The following PCDHA12 variants were observed in gnomAD, a reference collection of about 807,000 sequenced individuals.
The protein encoded by PCDHA12 is protocadherin alpha 12.
Under a neutral mutation model 60.0 loss-of-function variants are expected in PCDHA12, and 44 were observed. The observed-to-expected ratio is 0.73, with a 90% CI of 0.58 to 0.94. PCDHA12 has a LOEUF of 0.94. PCDHA12 is among the 40% of genes least tolerant of loss of function. PCDHA12 has a pLI of 0.00. For synonymous variants in PCDHA12, 569 were observed against 553.0 expected, an observed-to-expected ratio of 1.03 and a Z score of -0.40; for missense variants, 1,276 against 1,239.7, an observed-to-expected ratio of 1.03 and a Z score of -0.44.
At chr5:140,989,317 C>G (rs184467267) in intron 3 of PCDHA12, among the ~76,000 whole-genome samples, 2 of 152,126 alleles carry the variant, frequency 1.3e-5, no homozygotes, top group Non-Finnish European at 2.9e-5. Context: ...TAGGGTCTCA[C>G]CAACTTTGCC....
chr5:140,884,554 G>A (rs1554181727), intron 1 of PCDHA12: 10 of 1,614,160 alleles, frequency 6.2e-6, no homozygotes, highest in Non-Finnish European at 6.8e-6. Context: ...GCTCTGGGGA[G>A]GGCCCGCATA....
chr5:140,879,783 G>A (rs182330190), intron 1 of PCDHA12, among the ~76,000 whole-genome samples: 1 of 152,162 alleles, frequency 6.6e-6, no homozygotes, highest in African/African-American at 2.4e-5. Flanking sequence ...GAAGAATCTG[G>A]TTTTTGTTTC....
intron 3 of PCDHA12, among the ~76,000 whole-genome samples, chr5:141,004,566 T>C (rs2098171206): frequency 6.6e-6 from 1 of 152,186 alleles, no homozygotes; most frequent in Non-Finnish European, 1.5e-5. Context: ...GATGAACATA[T>C]CTCTGTGTTC....
chr5:141,007,395 CAAAAAAAAAAAAAAAA>C (rs35800918), intron 3 of PCDHA12, among the ~76,000 whole-genome samples: 1 of 94,866 alleles, frequency 1.1e-5, no homozygotes. Context: ...TACTAAAATA[CAAAAAAAAAAAAAAAA>C]AAAAAAATTA....
Position 140,927,187 on chromosome 5 carries a change from C to G in PCDHA12, c.2367+49348C>G, listed in dbSNP as rs558671063. 141 of 1,614,164 alleles carry G rather than the reference C, an allele frequency of 8.7e-5. 1 individual carries two copies. The South Asian group carries it at 1.5e-3, about 17-fold the overall frequency. The stretch of plus-strand genomic sequence containing the variant: ...AGCTGCCTGCGTCTTGACCTACGAC[C>G]TGGTGCTCGAGGACCCGCTGGAGCT... On this transcript the variant is annotated intron_variant, in intron 1 of 3. Transcript: ENST00000398631.
chr5:141,009,339 G>A (rs1328874922), intron 3 of PCDHA12, among the ~76,000 whole-genome samples: 13 of 152,168 alleles, frequency 8.5e-5, no homozygotes, highest in African/African-American at 3.1e-4. Context: ...TGTGCCTGTA[G>A]TTCCAGCTAC....
chr5:140,956,878 A>G (rs890203275), intron 1 of PCDHA12, among the ~76,000 whole-genome samples: 4 of 152,188 alleles, frequency 2.6e-5, no homozygotes, highest in Admixed American at 2.6e-4. Context: ...GAAAAGTTAG[A>G]TATCAATGAA....
At chr5:140,880,972 A>G (rs574204364) in intron 1 of PCDHA12, among the ~76,000 whole-genome samples, 94 of 152,374 alleles carry the variant, frequency 6.2e-4, no homozygotes, top group Non-Finnish European at 8.5e-4. Flanking sequence ...AGAGAATACC[A>G]AATACTCTGC....
intron 1 of PCDHA12, chr5:140,967,575 C>T: frequency 6.2e-7 from 1 of 1,614,156 alleles, no homozygotes. Context: ...CGGGAGGACT[C>T]ACCCCCAGGC....
intron 1 of PCDHA12, chr5:140,968,252 C>T: frequency 1.2e-6 from 2 of 1,613,948 alleles, no homozygotes; most frequent in Non-Finnish European, 1.7e-6. Context: ...AGCCACAGAC[C>T]CAGATGAAAA....
chr5:140,909,343 C>G (rs148713510), intron 1 of PCDHA12, among the ~76,000 whole-genome samples: 2 of 152,264 alleles, frequency 1.3e-5, no homozygotes, highest in African/African-American at 4.8e-5. Context: ...ATACCAGGTA[C>G]CAAGAGATGT....
Position 140,877,726 on chromosome 5 carries a change from C to G in PCDHA12, c.2254C>G (p.Gln752Glu), listed in dbSNP as rs781814794. The change falls in exon 1 of 4, where the codon CAG (glutamine) becomes GAG (glutamate). Residue 752 changes from glutamine to glutamate, a missense_variant. Coordinates refer to ENST00000398631, the MANE Select transcript of PCDHA12 (RefSeq NM_018903.4). ...SSAVGSWSYSQQRRQRVCSAE... is the reference protein window; with the variant it reads ...SSAVGSWSYSEQRRQRVCSAE... ...CGCCGTGGGGAGTTGGTCTTACTCGCAGCAGAGGAGGCAGAGGGTGTGCTC... is the reference window on the plus strand; with the variant it reads ...CGCCGTGGGGAGTTGGTCTTACTCGGAGCAGAGGAGGCAGAGGGTGTGCTC... 30 of 1,614,056 alleles carry G rather than the reference C, an allele frequency of 1.9e-5. No homozygotes were observed. In the African/African-American group the frequency reaches 3.7e-4, roughly 20 times the overall value.
At position 141,007,395 on chromosome 5, in the gene PCDHA12, CAAAA is replaced by C. The variant is rs35800918; in HGVS notation, c.2516-2212_2516-2209del. Among the ~76,000 whole-genome samples the C allele has an allele frequency of 1.2e-3, 116 of 94,838 alleles. No homozygotes were observed. In the Middle Eastern group the frequency reaches 0.016, roughly 13 times the overall value. 62.2% of individuals were successfully genotyped at this position (94,838 alleles called of 152,430 possible). ...ATGGAACACCATCTCTACTAAAATA[CAAAA>C]AAAAAAAAAAAAAAAAAAATTAGCC... is the stretch of plus-strand genomic sequence containing the variant. On this transcript the variant is annotated intron_variant, in intron 3 of 3. Coordinates refer to ENST00000398631, the MANE Select transcript of PCDHA12 (RefSeq NM_018903.4).
chr5:140,984,178 A>C (rs2097090747), intron 3 of PCDHA12, among the ~76,000 whole-genome samples: 1 of 152,184 alleles, frequency 6.6e-6, no homozygotes, highest in South Asian at 2.1e-4. Context: ...AGCCACGTGA[A>C]ATCATGACTT....
At chr5:140,951,723 A>C (rs1364455679) in intron 1 of PCDHA12, among the ~76,000 whole-genome samples, 1 of 152,104 alleles carries the variant, frequency 6.6e-6, no homozygotes, top group African/African-American at 2.4e-5. Context: ...GATCCAAACC[A>C]TGTCATTCTG....
chr5:140,884,518 C>G, intron 1 of PCDHA12: 2 of 1,614,054 alleles, frequency 1.2e-6, no homozygotes, highest in Non-Finnish European at 1.7e-6. Context: ...GTTGGTCGTA[C>G]TCGCAGCAGA....
rs114742019 is a variant in PCDHA12, at chr5:140,911,730, G to A, written c.2367+33891G>A. Among the ~76,000 whole-genome samples the A allele has an allele frequency of 8.1e-3, 1,236 of 152,190 alleles. 6 individuals carry two copies. The highest frequency in any genetic ancestry group is 0.019 in the African/African-American group (801 of 41,524). ...TTTTGTGTAACTCTGTAAACAGTTC[G>A]TGCCAAGGACTATCAGTGTTCTCCA... is the stretch of plus-strand genomic sequence containing the variant. On this transcript the variant is annotated intron_variant, in intron 1 of 3. Coordinates refer to ENST00000398631, the MANE Select transcript of PCDHA12 (RefSeq NM_018903.4).
Position 140,924,728 on chromosome 5 carries a change from C to G in PCDHA12, c.2367+46889C>G, listed in dbSNP as rs191622894. Among the ~76,000 whole-genome samples, 1,223 of 151,892 alleles carry G rather than the reference C, an allele frequency of 8.1e-3. 6 individuals carry two copies. The highest frequency in any genetic ancestry group is 0.019 in the African/African-American group (789 of 41,420). ...TGTGCAACATGGCGAAACCTCACCT[C>G]TAATAAAAATACAAAAATTAACCGA... On this transcript the variant is annotated intron_variant, in intron 1 of 3. Transcript: ENST00000398631.
chr5:140,998,275 A>G (rs1554256218), intron 3 of PCDHA12, among the ~76,000 whole-genome samples: 1 of 152,198 alleles, frequency 6.6e-6, no homozygotes, highest in African/African-American at 2.4e-5. Context: ...TGACACCCAT[A>G]GGATTAAATC....
Sources: gnomAD v4.1 joint callset for allele counts (sites outside exome capture counted in the v4.1 genomes callset) on GRCh38, gnomAD v4.1.1 for gene constraint, MANE v1.5 for transcripts, NCBI Gene and HGNC (gene_info 2026-07-23, HGNC 2026-07-21) for gene names.